Variants in NDST4 observed in about 807,000 individuals in gnomAD.
NDST4 encodes N-heparan sulfate sulfotransferase 4.
A neutral mutation model predicts 100.8 loss-of-function variants in NDST4; 63 were observed. The ratio of observed to expected loss-of-function variants is 0.62; its 90% CI spans 0.51 to 0.77. NDST4 has a LOEUF of 0.77. Among genes scored for constraint, NDST4 ranks in the 30% least tolerant of loss-of-function variants. The pLI is 0.00. For missense variants in NDST4, 943 were observed against 1,018.4 expected (o/e 0.93, Z 1.01); for synonymous variants, 377 against 361.8 (o/e 1.04, Z -0.48).
chr4:115,059,669 G>A (rs1728777837), intron 2 of NDST4, among the ~76,000 whole-genome samples: 1 of 151,926 alleles, frequency 6.6e-6, no homozygotes, highest in Admixed American at 6.6e-5. Flanking sequence ...CTTTCACTTT[G>A]CAATGTTGTA....
chr4:114,945,702 G>A (rs527629877), intron 4 of NDST4, among the ~76,000 whole-genome samples: 1 of 152,120 alleles, frequency 6.6e-6, no homozygotes, highest in East Asian at 1.9e-4. Context: ...TGACACTGGC[G>A]CTACAGAGAA....
intron 2 of NDST4, among the ~76,000 whole-genome samples, chr4:115,067,084 C>A (rs1038380891): frequency 6.6e-6 from 1 of 152,180 alleles, no homozygotes; most frequent in African/African-American, 2.4e-5. Flanking sequence ...CAAGCCCGGG[C>A]CATTGCCCAG....
chr4:114,930,931 C>A (rs1560818059), intron 6 of NDST4, among the ~76,000 whole-genome samples: 3 of 150,544 alleles, frequency 2.0e-5, no homozygotes, highest in East Asian at 3.9e-4. Context: ...CTTTGATTCC[C>A]AAAAAAAAAT....
At chr4:115,088,945 C>A (rs28687855) in intron 1 of NDST4, among the ~76,000 whole-genome samples, 21,207 of 151,974 alleles carry the variant, frequency 0.14, 2,723 homozygotes, top group African/African-American at 0.34. Flanking sequence ...CAGCCTATAA[C>A]ACAGACATTT....
At chr4:115,092,309 C>T (rs1336249770) in intron 1 of NDST4, among the ~76,000 whole-genome samples, 1 of 152,138 alleles carries the variant, frequency 6.6e-6, no homozygotes, top group Non-Finnish European at 1.5e-5. Flanking sequence ...TTCAGAATAG[C>T]TGCTTTCAGT....
chr4:114,986,832 A>ATATATATATATTTTTTTTTT lies in NDST4; in HGVS notation c.979-9559_979-9558insAAAAAAAAAATATATATATA. On this transcript the variant is annotated intron_variant, in intron 2 of 13. Coordinates refer to ENST00000264363, the MANE Select transcript of NDST4 (RefSeq NM_022569.3). ...TATATATATATATATATATATATAT[A>ATATATATATATTTTTTTTTT]TTTTAATATACTATTCCTATAAGCT... Among the ~76,000 whole-genome samples the ATATATATATATTTTTTTTTT allele has an allele frequency of 4.4e-4, 42 of 94,648 alleles. 2 individuals carry two copies. Among genetic ancestry groups the ATATATATATATTTTTTTTTT allele is most frequent in the South Asian group, 1.7e-3 (4 of 2,334 alleles). The allele number at this position is 94,648 out of a possible 152,430, so 62.1% of individuals were successfully genotyped here.
intron 2 of NDST4, among the ~76,000 whole-genome samples, chr4:115,052,143 T>C (rs553676414): frequency 5.9e-5 from 9 of 152,240 alleles, no homozygotes; most frequent in Admixed American, 1.3e-4. Flanking sequence ...TTTAAACTGG[T>C]CTTGAGCTTC....
chr4:114,874,668 G>T (rs779283914), intron 6 of NDST4, among the ~76,000 whole-genome samples: 2 of 152,044 alleles, frequency 1.3e-5, no homozygotes, highest in Non-Finnish European at 2.9e-5. Context: ...AGCATTTCTG[G>T]GCAAATGGCT....
intron 7 of NDST4, among the ~76,000 whole-genome samples, chr4:114,867,407 G>T (rs913001776): frequency 1.3e-5 from 2 of 151,980 alleles, no homozygotes; most frequent in African/African-American, 2.4e-5. Context: ...CCCTGGAGAC[G>T]TTGGCATGGG....
intron 4 of NDST4, among the ~76,000 whole-genome samples, chr4:114,968,705 G>C (rs1025535261): frequency 3.3e-5 from 5 of 152,088 alleles, no homozygotes; most frequent in African/African-American, 1.2e-4. Flanking sequence ...AAATATCACT[G>C]TTCCTTTGAT....
At chr4:114,930,375 C>A (rs1725487284) in intron 6 of NDST4, among the ~76,000 whole-genome samples, 1 of 152,080 alleles carries the variant, frequency 6.6e-6, no homozygotes, top group African/African-American at 2.4e-5. Flanking sequence ...ACCCAACAGA[C>A]CTTTTGTTTT....
chr4:114,891,738 GA>G (rs1276425596), intron 6 of NDST4, among the ~76,000 whole-genome samples: 1 of 152,064 alleles, frequency 6.6e-6, no homozygotes, highest in Non-Finnish European at 1.5e-5. Flanking sequence ...TTCTCCGACA[GA>G]AATGTTCACT....
chr4:114,867,646 TAA>T (rs761173470), intron 7 of NDST4, among the ~76,000 whole-genome samples: 3,106 of 26,828 alleles, frequency 0.12, 197 homozygotes, highest in African/African-American at 0.24. Flanking sequence ...ATGAGAATTA[TAA>T]AAAAAAAAAA....
In NDST4 at chr4:115,076,835, C is replaced by A; in HGVS notation, c.202G>T (p.Val68Phe). ...GTTTTGGATGTGTCAATAGGTTTAA[C>A]TGTTTTCAGCTCCATTGACCTATAT... ...LPYRSMELKT[V>F]KPIDTSKTDP... The change falls in exon 2 of 14, where the codon GTT becomes TTT. Residue 68 changes from valine (V) to phenylalanine (F), a missense_variant. By Grantham distance (50) the Val-to-Phe change is conservative. Transcript: ENST00000264363. 1 of 1,613,844 alleles carries A rather than the reference C, an allele frequency of 6.2e-7. No individual in the cohort carries two copies. Among genetic ancestry groups the A allele is most frequent in the Non-Finnish European group, 8.5e-7 (1 of 1,179,898 alleles).
intron 5 of NDST4, among the ~76,000 whole-genome samples, chr4:114,935,685 C>A (rs539508162): frequency 6.6e-6 from 1 of 152,234 alleles, no homozygotes; most frequent in African/African-American, 2.4e-5. Flanking sequence ...TGCCATTAGG[C>A]CATTACTCTC....
chr4:114,921,406 T>C (rs1237271975), intron 6 of NDST4, among the ~76,000 whole-genome samples: 2 of 152,180 alleles, frequency 1.3e-5, no homozygotes, highest in Non-Finnish European at 2.9e-5. Context: ...GATGTCTTTA[T>C]CACATGATTT....
intron 9 of NDST4, 112 bp downstream of exon 9, chr4:114,848,103 C>G (rs1473464991): frequency 8.0e-6 from 7 of 872,772 alleles, no homozygotes; most frequent in African/African-American, 5.1e-5. Flanking sequence ...TTCTAATTCA[C>G]TGTGGTGAAT....
intron 6 of NDST4, among the ~76,000 whole-genome samples, chr4:114,872,600 TCTAA>T (rs1012474527): frequency 6.6e-6 from 1 of 152,020 alleles, no homozygotes; most frequent in African/African-American, 2.4e-5. Context: ...CTTTAATGTC[TCTAA>T]CTTAGATAAA....
chr4:115,096,149 CACT>C, intron 1 of NDST4, among the ~76,000 whole-genome samples: 11 of 129,996 alleles, frequency 8.5e-5, no homozygotes, highest in African/African-American at 3.0e-4. Context: ...GACTAAATCC[CACT>C]GTCCACCAAA....
Sources: allele counts gnomAD v4.1 joint callset (sites outside exome capture counted in the v4.1 genomes callset), GRCh38; gene constraint gnomAD v4.1.1; transcripts MANE v1.5; gene names NCBI Gene and HGNC (gene_info 2026-07-23, HGNC 2026-07-21).